Variants in PKN2 observed in about 807,000 individuals in gnomAD.
The protein encoded by PKN2 is serine/threonine-protein kinase N2.
Under a neutral mutation model 119.1 loss-of-function variants are expected in PKN2, and 38 were observed. That is an observed-to-expected ratio of 0.32 (90% CI 0.25 to 0.42). The LOEUF (loss-of-function observed/expected upper bound fraction) is 0.42, where lower values mean the gene tolerates loss of function less well. Ranked by LOEUF, PKN2 falls within the 10% of genes least tolerant of loss-of-function variation. The probability of loss-of-function intolerance (pLI) is 1.00; values close to 1 mark genes in which losing one functional copy is unlikely to be tolerated. For missense variants in PKN2, 850 were observed against 1,165.1 expected (o/e 0.73, Z 3.94); for synonymous variants, 390 against 384.9 (o/e 1.01, Z -0.15).
chr1:88,832,194 T>C (rs1426108768), intron 19 of PKN2, among the ~76,000 whole-genome samples: 1 of 152,036 alleles, frequency 6.6e-6, no homozygotes, highest in East Asian at 1.9e-4. Context: ...ACCATTAATT[T>C]ACTGTTGACT....
intron 4 of PKN2, among the ~76,000 whole-genome samples, 159 bp downstream of exon 4, chr1:88,770,628 C>T (rs1368589522): frequency 6.6e-6 from 1 of 150,534 alleles, no homozygotes; most frequent in African/African-American, 2.5e-5. Flanking sequence ...CTCTGTCGCC[C>T]AGGCTGGAGT....
chr1:88,806,146 G>GT (rs1296873050), intron 12 of PKN2, 129 bp downstream of exon 12: 1 of 860,052 alleles, frequency 1.2e-6, no homozygotes, highest in Non-Finnish European at 1.8e-6. Flanking sequence ...TTTTTTGTTT[G>GT]TTTTTTGTTT....
In PKN2 at chr1:88,804,371, A is replaced by AT. The variant is rs753599395; in HGVS notation, c.1282-12dup. ...TGATGTCTTTTCTGTTTTCTTTATT[A>AT]TTTTTTTTAATTATCCTAGTCACGT... On this transcript the variant is annotated intron_variant, in intron 8 of 21. Coordinates refer to ENST00000370521, the MANE Select transcript of PKN2 (RefSeq NM_006256.4). The AT allele has an allele frequency of 3.2e-5, 50 of 1,557,570 alleles. No homozygotes were observed. The highest frequency in any genetic ancestry group is 1.8e-4 in the African/African-American group (13 of 71,708).
chr1:88,751,313 A>T (rs983382950), intron 2 of PKN2, among the ~76,000 whole-genome samples: 1 of 152,026 alleles, frequency 6.6e-6, no homozygotes, highest in African/African-American at 2.4e-5. Context: ...ATGTGTAGAC[A>T]CACATACATA....
intron 18 of PKN2, 64 bp from the exon 19 acceptor site, chr1:88,828,417 G>T: frequency 1.4e-6 from 2 of 1,418,172 alleles, no homozygotes; most frequent in South Asian, 2.5e-5. Context: ...AGATAGCTTT[G>T]ATTTTTTTTT....
intron 1 of PKN2, among the ~76,000 whole-genome samples, chr1:88,701,317 G>T (rs535473020): frequency 6.6e-6 from 1 of 152,130 alleles, no homozygotes; most frequent in African/African-American, 2.4e-5. Flanking sequence ...GGAGGCAGGT[G>T]CCTATAATCC....
intron 10 of PKN2, 97 bp from the exon 11 acceptor site, chr1:88,805,400 G>A (rs1001285066): frequency 1.4e-5 from 15 of 1,100,012 alleles, no homozygotes; most frequent in East Asian, 5.3e-5. Context: ...TTTGTTCTTC[G>A]TAGATTATAA....
intron 18 of PKN2, among the ~76,000 whole-genome samples, chr1:88,827,378 G>A (rs1303692378): frequency 6.6e-6 from 1 of 151,756 alleles, no homozygotes; most frequent in Non-Finnish European, 1.5e-5. Context: ...CATATCTTGA[G>A]GCCAAGACCC....
At chr1:88,796,402 G>A (rs1192889663) in intron 8 of PKN2, among the ~76,000 whole-genome samples, 1 of 152,084 alleles carries the variant, frequency 6.6e-6, no homozygotes, top group Admixed American at 6.5e-5. Context: ...TCAAGTTAAA[G>A]ACCAAATTCT....
intron 8 of PKN2, among the ~76,000 whole-genome samples, chr1:88,797,474 T>C (rs77808989): frequency 0.073 from 11,041 of 151,286 alleles, 568 homozygotes; most frequent in East Asian, 0.14. Context: ...AAACCCTGTC[T>C]CTACTAAATA....
chr1:88,756,605 G>T (rs182885383), intron 2 of PKN2, among the ~76,000 whole-genome samples: 2 of 152,184 alleles, frequency 1.3e-5, no homozygotes, highest in East Asian at 3.9e-4. Context: ...TAAAAAATGT[G>T]CTTACTATAA....
chr1:88,729,951 A>C (rs530668766), intron 1 of PKN2, among the ~76,000 whole-genome samples: 13 of 152,108 alleles, frequency 8.5e-5, no homozygotes, highest in Non-Finnish European at 1.8e-4. Context: ...GGATCACGAG[A>C]TCAGGAGAGC....
In PKN2 at chr1:88,684,309, C is replaced by G; in HGVS notation, c.-272C>G. On this transcript the variant is annotated 5_prime_UTR_variant, in exon 1 of 22. Transcript: ENST00000370521. ...GCCCGCACGGAGAGGCTTGAGGCGG[C>G]TCCTGGCGTCGCCCAGAGGGAGCGA... The G allele has an allele frequency of 2.5e-6, 1 of 400,828 alleles. No individual in the cohort carries two copies. The highest frequency in any genetic ancestry group is 3.9e-5 in the East Asian group (1 of 25,608). 24.8% of individuals were successfully genotyped at this position (400,828 alleles called of 1,614,324 possible). A position where few individuals can be genotyped will look rare whatever the true frequency, so the allele number is the denominator to read the frequency against.
intron 3 of PKN2, among the ~76,000 whole-genome samples, chr1:88,762,465 A>T (rs866934498): frequency 2.6e-5 from 4 of 152,166 alleles, no homozygotes; most frequent in African/African-American, 4.8e-5. Context: ...AACTTCTCAG[A>T]GGGTCAGAGT....
At chr1:88,817,366 C>T (rs1672039549) in intron 16 of PKN2, among the ~76,000 whole-genome samples, 1 of 150,630 alleles carries the variant, frequency 6.6e-6, no homozygotes, top group African/African-American at 2.5e-5. Context: ...GCGGAGATCA[C>T]GCCACTGCAC....
chr1:88,829,761 T>G (rs898607193), intron 19 of PKN2, among the ~76,000 whole-genome samples: 1 of 152,168 alleles, frequency 6.6e-6, no homozygotes, highest in African/African-American at 2.4e-5. Flanking sequence ...TTCTGCAGTT[T>G]CCCCATGCCA....
intron 3 of PKN2, among the ~76,000 whole-genome samples, chr1:88,762,065 C>T (rs2100784079): frequency 6.6e-6 from 1 of 152,110 alleles, no homozygotes; most frequent in African/African-American, 2.4e-5. Context: ...GGTTTATGAA[C>T]CCTTTGAAGT....
intron 8 of PKN2, among the ~76,000 whole-genome samples, chr1:88,790,952 A>G (rs751553057): frequency 1.6e-4 from 24 of 152,148 alleles, no homozygotes; most frequent in Non-Finnish European, 2.9e-4. Flanking sequence ...GAAAAACAAC[A>G]CCCTGTTTTT....
intron 2 of PKN2, among the ~76,000 whole-genome samples, chr1:88,754,291 A>C (rs142434066): frequency 1.3e-5 from 2 of 151,804 alleles, no homozygotes; most frequent in African/African-American, 4.8e-5. Context: ...TAAAAAACTT[A>C]GCTATTTTTC....
Sources: allele counts gnomAD v4.1 joint callset (sites outside exome capture counted in the v4.1 genomes callset), GRCh38; gene constraint gnomAD v4.1.1; transcripts MANE v1.5; gene names NCBI Gene and HGNC (gene_info 2026-07-23, HGNC 2026-07-21).